Variants in HS6ST3 observed in about 807,000 individuals in gnomAD.
The protein encoded by HS6ST3 is heparan-sulfate 6-O-sulfotransferase 3.
Under a neutral mutation model 36.7 loss-of-function variants are expected in HS6ST3, and 12 were observed. That is an observed-to-expected ratio of 0.33 (90% confidence interval 0.21 to 0.53). HS6ST3 has a LOEUF of 0.53. Among genes scored for constraint, HS6ST3 ranks in the 20% least tolerant of loss-of-function variants. HS6ST3 has a pLI of 0.95. For missense variants in HS6ST3, 584 were observed against 640.9 expected (o/e 0.91, Z 0.96); for synonymous variants, 240 against 257.5 (o/e 0.93, Z 0.65).
chr13:96,650,796 A>C (rs1334095918), intron 1 of HS6ST3, among the ~76,000 whole-genome samples: 5 of 152,066 alleles, frequency 3.3e-5, no homozygotes, highest in Admixed American at 6.6e-5. Context: ...AAGTTCTTCT[A>C]TGTGTGGGTG....
At chr13:96,605,238 A>G (rs1297065059) in intron 1 of HS6ST3, among the ~76,000 whole-genome samples, 3 of 152,140 alleles carry the variant, frequency 2.0e-5, no homozygotes, top group East Asian at 1.9e-4. Flanking sequence ...TTGTGCAGAA[A>G]GAATGGTGAA....
Position 96,368,512 on chromosome 13 carries a change from T to TA in HS6ST3, c.707+276953dup, listed in dbSNP as rs371341835. On this transcript the variant is annotated intron_variant, in intron 1 of 1. Transcript: ENST00000376705. ...GCCTGATATTCAGAGCTTTTTTTTT[T>TA]AAAAAAAAAACATAATTTTCTTCTT... Among the ~76,000 whole-genome samples the TA allele has an allele frequency of 9.9e-4, 137 of 138,694 alleles. 1 individual carries two copies. Among genetic ancestry groups the TA allele is most frequent in the Non-Finnish European group, 1.4e-3 (89 of 63,332 alleles). The allele number at this position is 138,694 out of a possible 152,430, so 91.0% of individuals were successfully genotyped here. A position where few individuals can be genotyped will look rare whatever the true frequency, so the allele number is the denominator to read the frequency against.
intron 1 of HS6ST3, among the ~76,000 whole-genome samples, chr13:96,556,329 G>T (rs1236930733): frequency 1.3e-5 from 2 of 152,158 alleles, no homozygotes; most frequent in Admixed American, 6.5e-5. Flanking sequence ...AACCCCGCTG[G>T]ACTTGGAGGA....
At chr13:96,243,404 C>T (rs1480213811) in intron 1 of HS6ST3, among the ~76,000 whole-genome samples, 1 of 152,132 alleles carries the variant, frequency 6.6e-6, no homozygotes, top group Non-Finnish European at 1.5e-5. Flanking sequence ...CAGAGTAATG[C>T]CCAGCCTAGT....
chr13:96,597,733 T>A (rs1047625210), intron 1 of HS6ST3, among the ~76,000 whole-genome samples: 1 of 151,704 alleles, frequency 6.6e-6, no homozygotes, highest in African/African-American at 2.4e-5. Flanking sequence ...TCTTAAGTTA[T>A]AATTTTTTTT....
intron 1 of HS6ST3, among the ~76,000 whole-genome samples, chr13:96,098,121 A>C (rs934693515): frequency 6.6e-6 from 1 of 152,220 alleles, no homozygotes; most frequent in Admixed American, 6.5e-5. Flanking sequence ...TTGTTGGACT[A>C]TTGAGGAGGT....
chr13:96,777,096 G>C (rs986828476), intron 1 of HS6ST3, among the ~76,000 whole-genome samples: 1 of 152,118 alleles, frequency 6.6e-6, no homozygotes, highest in Non-Finnish European at 1.5e-5. Flanking sequence ...AAAACCACAT[G>C]ATTATCTCAA....
chr13:96,565,676 T>C (rs904835385), intron 1 of HS6ST3, among the ~76,000 whole-genome samples: 1 of 152,054 alleles, frequency 6.6e-6, no homozygotes, highest in Non-Finnish European at 1.5e-5. Context: ...GAGAAACAAA[T>C]TCAGTGGCTC....
intron 1 of HS6ST3, among the ~76,000 whole-genome samples, chr13:96,576,485 C>G (rs1378914292): frequency 2.0e-5 from 3 of 152,188 alleles, no homozygotes; most frequent in African/African-American, 7.2e-5. Context: ...TAGGTCTACA[C>G]TCATTACTGT....
intron 1 of HS6ST3, among the ~76,000 whole-genome samples, chr13:96,800,000 A>ATATATATATGTGTGTATATATATATATG (rs1555325267): frequency 7.8e-5 from 7 of 89,362 alleles, no homozygotes; most frequent in African/African-American, 3.3e-4. Context: ...ATATATATGT[A>ATATATATATGTGTGTATATATATATATG]TATATATATA....
At chr13:96,199,321 G>T (rs1463512821) in intron 1 of HS6ST3, among the ~76,000 whole-genome samples, 1 of 152,188 alleles carries the variant, frequency 6.6e-6, no homozygotes, top group Non-Finnish European at 1.5e-5. Context: ...TATTCTCCGT[G>T]TACATTGTGG....
chr13:96,359,699 A>C (rs2055227707), intron 1 of HS6ST3, among the ~76,000 whole-genome samples: 1 of 152,180 alleles, frequency 6.6e-6, no homozygotes, highest in Non-Finnish European at 1.5e-5. Context: ...GGGGAAGGGA[A>C]TCAGCATCAT....
intron 1 of HS6ST3, among the ~76,000 whole-genome samples, chr13:96,354,835 A>G (rs948283538): frequency 2.6e-5 from 4 of 152,212 alleles, no homozygotes; most frequent in African/African-American, 9.6e-5. Flanking sequence ...TATCAAATAT[A>G]GAACCATACT....
At chr13:96,139,266 T>G (rs890230137) in intron 1 of HS6ST3, among the ~76,000 whole-genome samples, 12 of 152,136 alleles carry the variant, frequency 7.9e-5, no homozygotes, top group African/African-American at 2.4e-4. Flanking sequence ...AAATAATTCC[T>G]GCAGTAGCTG....
At chr13:96,209,626 GC>G (rs2054388742) in intron 1 of HS6ST3, among the ~76,000 whole-genome samples, 1 of 152,138 alleles carries the variant, frequency 6.6e-6, no homozygotes, top group Admixed American at 6.5e-5. Flanking sequence ...TCTACAGGTT[GC>G]CCATGTGGTG....
chr13:96,421,322 C>T (rs191437639), intron 1 of HS6ST3, among the ~76,000 whole-genome samples: 132 of 152,292 alleles, frequency 8.7e-4, no homozygotes, highest in African/African-American at 2.9e-3. Flanking sequence ...ATGACTTCCT[C>T]TCTTCCTGTG....
chr13:96,458,964 C>T (rs373852052), intron 1 of HS6ST3, among the ~76,000 whole-genome samples: 2 of 151,676 alleles, frequency 1.3e-5, no homozygotes, highest in African/African-American at 4.8e-5. Context: ...ATTAGCTGGG[C>T]ATGGTGGCAT....
chr13:96,816,138 C>A (rs562557339), intron 1 of HS6ST3, among the ~76,000 whole-genome samples: 2 of 152,334 alleles, frequency 1.3e-5, no homozygotes, highest in South Asian at 2.1e-4. Context: ...TGCTGGAAAG[C>A]ACAAAGGTGA....
chr13:96,699,644 G>T (rs549206485), intron 1 of HS6ST3, among the ~76,000 whole-genome samples: 38 of 152,290 alleles, frequency 2.5e-4, no homozygotes, highest in African/African-American at 8.7e-4. Context: ...CACTGTTGGT[G>T]GGTCTGTAAA....
Sources: allele counts gnomAD v4.1 joint callset (sites outside exome capture counted in the v4.1 genomes callset), GRCh38; gene constraint gnomAD v4.1.1; transcripts MANE v1.5; gene names NCBI Gene and HGNC (gene_info 2026-07-23, HGNC 2026-07-21).